SERINC3: variants seen among roughly 807,000 people sequenced by gnomAD.
SERINC3 encodes tumor differentially expressed protein 1.
Under a neutral mutation model 52.1 loss-of-function variants are expected in SERINC3, and 22 were observed. The observed-to-expected ratio is 0.42, with a 90% CI of 0.30 to 0.60. SERINC3 has a LOEUF of 0.60. SERINC3 is among the 20% of genes least tolerant of loss of function. The probability of loss-of-function intolerance (pLI) is 0.16; values close to 1 mark genes in which losing one functional copy is unlikely to be tolerated. For synonymous variants in SERINC3, 226 were observed against 212.7 expected, an observed-to-expected ratio of 1.06 and a Z score of -0.54; for missense variants, 564 against 584.6, an observed-to-expected ratio of 0.96 and a Z score of 0.36.
intron 6 of SERINC3, among the ~76,000 whole-genome samples, chr20:44,505,500 T>C (rs1231965480): frequency 2.6e-5 from 4 of 152,058 alleles, no homozygotes; most frequent in African/African-American, 9.7e-5. Flanking sequence ...TTTGTACTTT[T>C]AGTAGAGATG....
At chr20:44,501,325 A>G (rs1308833699) in intron 8 of SERINC3, 25 bp from the exon 9 acceptor site, 1 of 1,596,428 alleles carries the variant, frequency 6.3e-7, no homozygotes, top group South Asian at 1.1e-5. Flanking sequence ...CAAGGAAGAC[A>G]AATCAGAAAG....
chr20:44,517,086 A>G (rs1013942297), intron 1 of SERINC3, among the ~76,000 whole-genome samples: 1 of 152,184 alleles, frequency 6.6e-6, no homozygotes, highest in Non-Finnish European at 1.5e-5. Context: ...GGGTGCTAAC[A>G]TTCTAAAAAA....
Position 44,511,276 on chromosome 20 carries a change from T to A in SERINC3, c.475+13A>T, listed in dbSNP as rs765347167. The A allele has an allele frequency of 1.3e-6, 2 of 1,565,454 alleles. No homozygotes were observed. Among genetic ancestry groups the A allele is most frequent in the Non-Finnish European group, 1.8e-6 (2 of 1,136,026 alleles). On this transcript the variant is annotated intron_variant, in intron 4 of 9. Coordinates refer to ENST00000342374, the MANE Select transcript of SERINC3 (RefSeq NM_006811.4). Reference sequence around the variant, plus strand: ...TATAGTTTAAAATTAACCCCCTCAATGGTGAACCCTACCTGAGCTGAAATA... The same window carrying A: ...TATAGTTTAAAATTAACCCCCTCAAAGGTGAACCCTACCTGAGCTGAAATA...
rs746435612 is a variant in SERINC3 at position 44,521,906 on chromosome 20, A to G, written c.39+7T>C. 6.2e-7 allele frequency: 1 copy of G among 1,608,618 alleles called. No individual in the cohort carries two copies. The highest frequency in any genetic ancestry group is 2.2e-5 in the East Asian group (1 of 44,650). On this transcript the variant is annotated splice_region_variant and intron_variant, in intron 1 of 9. Coordinates refer to ENST00000342374, the MANE Select transcript of SERINC3 (RefSeq NM_006811.4). ...GGTCCGGCGAGGACTCGGGACCCCG[A>G]ACTCACCCAGCTGGCGAGGGAGAAG...
At chr20:44,512,212 C>T (rs1366871243) in intron 3 of SERINC3, among the ~76,000 whole-genome samples, 1 of 151,164 alleles carries the variant, frequency 6.6e-6, no homozygotes, top group African/African-American at 2.4e-5. Context: ...ACTAGGGAGG[C>T]TGAGGCAGGA....
chr20:44,508,174 T>C (rs1187446416), intron 5 of SERINC3, among the ~76,000 whole-genome samples: 1 of 152,188 alleles, frequency 6.6e-6, no homozygotes. Context: ...TAGAGTTGTA[T>C]GATCCAAAAT....
chr20:44,517,983 GC>G (rs1390110479), intron 1 of SERINC3, among the ~76,000 whole-genome samples: 9 of 152,066 alleles, frequency 5.9e-5, no homozygotes, highest in Admixed American at 5.2e-4. Flanking sequence ...CATCCCGAAT[GC>G]CTTCCCTTTT....
rs1163959963 is a variant in SERINC3 at position 44,499,550 on chromosome 20, T to C, written c.*746A>G. The C allele has an allele frequency of 6.6e-6, 1 of 152,372 alleles. No individual in the cohort carries two copies. The highest frequency in any genetic ancestry group is 1.5e-5 in the Non-Finnish European group (1 of 68,042). The allele number at this position is 152,372 out of a possible 1,614,324, so 9.4% of individuals were successfully genotyped here. ...TGATAAATTCACATGCATTTTACTT[T>C]TACATACTCATAACAAGATAGTAAC... On this transcript the variant is annotated 3_prime_UTR_variant, in exon 10 of 10. Transcript: ENST00000342374.
chr20:44,509,774 C>A, intron 5 of SERINC3, 117 bp downstream of exon 5: 2 of 1,103,368 alleles, frequency 1.8e-6, no homozygotes, highest in East Asian at 4.7e-5. Flanking sequence ...AAGCCATTCT[C>A]CCACCTTGGA....
intron 1 of SERINC3, among the ~76,000 whole-genome samples, chr20:44,516,801 C>A (rs150917740): frequency 2.0e-5 from 3 of 152,086 alleles, no homozygotes; most frequent in African/African-American, 7.2e-5. Flanking sequence ...CTCAAGCGAT[C>A]CTCTGGCCTC....
chr20:44,503,972 T>A lies in SERINC3; in HGVS notation c.898A>T (p.Met300Leu). The A allele has an allele frequency of 6.3e-7, 1 of 1,592,418 alleles. No homozygotes were observed. The highest frequency in any genetic ancestry group is 8.5e-7 in the Non-Finnish European group (1 of 1,173,598). Residue 300 changes from methionine to leucine, a missense_variant, in exon 8 of 10, where the codon ATG becomes TTG. Coordinates refer to ENST00000342374, the MANE Select transcript of SERINC3 (RefSeq NM_006811.4). ...GCAGTTATGCGTGTAATAAAGCTCATCAGGTTGGGATTGCAGGAACGATCT... is the reference window on the plus strand; with the variant it reads ...GCAGTTATGCGTGTAATAAAGCTCAACAGGTTGGGATTGCAGGAACGATCT... ...EPDRSCNPNL[M>L]SFITRITAPT...
At chr20:44,501,852 T>C (rs980084844) in intron 8 of SERINC3, among the ~76,000 whole-genome samples, 1 of 152,252 alleles carries the variant, frequency 6.6e-6, no homozygotes, top group Non-Finnish European at 1.5e-5. Flanking sequence ...TAAAAGTTTG[T>C]TAAATGACTG....
chr20:44,517,599 C>T (rs955187831), intron 1 of SERINC3, among the ~76,000 whole-genome samples: 1 of 150,886 alleles, frequency 6.6e-6, no homozygotes, highest in Admixed American at 6.6e-5. Flanking sequence ...AAAAAAAAAG[C>T]CAGGGGAGAG....
intron 1 of SERINC3, among the ~76,000 whole-genome samples, chr20:44,517,158 C>CA (rs2064385727): frequency 6.6e-6 from 1 of 152,024 alleles, no homozygotes; most frequent in Non-Finnish European, 1.5e-5. Context: ...GGTGATTGAG[C>CA]AAAGAATGAG....
intron 1 of SERINC3, among the ~76,000 whole-genome samples, chr20:44,514,717 C>T (rs1336898203): frequency 2.0e-5 from 3 of 152,106 alleles, no homozygotes; most frequent in Non-Finnish European, 2.9e-5. Flanking sequence ...GCTGAGATTG[C>T]GCCACTGCAC....
At chr20:44,512,392 A>G (rs6017357) in intron 3 of SERINC3, among the ~76,000 whole-genome samples, 62 of 152,288 alleles carry the variant, frequency 4.1e-4, no homozygotes, top group African/African-American at 1.4e-3. Flanking sequence ...GTCAGAAGCA[A>G]TAGAATATGT....
rs1218139398 is a variant in SERINC3, at chr20:44,522,066, C to T, written c.-115G>A. 3.5e-6 allele frequency: 4 copies of T among 1,152,306 alleles called. No individual in the cohort carries two copies. Among genetic ancestry groups the T allele is most frequent in the Admixed American group, 4.2e-5 (2 of 47,140 alleles). The allele number at this position is 1,152,306 out of a possible 1,614,324, so 71.4% of individuals were successfully genotyped here. Reference sequence around the variant, plus strand: ...CGGTTTCTCAGGCCGGAAACGCAGCCTTCCACAGACGCACGGATGCGTCAC... The same window carrying T: ...CGGTTTCTCAGGCCGGAAACGCAGCTTTCCACAGACGCACGGATGCGTCAC... On this transcript the variant is annotated 5_prime_UTR_variant, in exon 1 of 10. Coordinates refer to ENST00000342374, the MANE Select transcript of SERINC3 (RefSeq NM_006811.4).
At position 44,500,262 on chromosome 20, in the gene SERINC3, G is replaced by T. The variant is rs570040913; in HGVS notation, c.*34C>A. 1.9e-6 allele frequency: 3 copies of T among 1,592,728 alleles called. No homozygotes were observed. Among genetic ancestry groups the T allele is most frequent in the Non-Finnish European group, 8.6e-7 (1 of 1,167,056 alleles). On this transcript the variant is annotated 3_prime_UTR_variant, in exon 10 of 10. Coordinates refer to ENST00000342374, the MANE Select transcript of SERINC3 (RefSeq NM_006811.4). The stretch of plus-strand genomic sequence containing the variant: ...TGGGTTTTCGGTGAAGGAGACCTTT[G>T]TGAGTTCCAGTGGTGTCCTTGGCAC...
chr20:44,501,769 A>G (rs970153785), intron 8 of SERINC3, among the ~76,000 whole-genome samples: 2 of 152,310 alleles, frequency 1.3e-5, no homozygotes, highest in South Asian at 2.1e-4. Flanking sequence ...TATCACTCCT[A>G]TCTTCCTTGC....
Sources: gnomAD v4.1 joint callset for allele counts (sites outside exome capture counted in the v4.1 genomes callset) on GRCh38, gnomAD v4.1.1 for gene constraint, MANE v1.5 for transcripts, NCBI Gene and HGNC (gene_info 2026-07-23, HGNC 2026-07-21) for gene names.